The following MAD1L1 variants were observed in gnomAD, a reference collection of about 807,000 sequenced individuals.
MAD1L1 encodes mitotic arrest deficient 1 like 1.
Under a neutral mutation model 96.9 loss-of-function variants are expected in MAD1L1, and 95 were observed. The observed-to-expected ratio is 0.98, with a 90% CI of 0.83 to 1.16. MAD1L1 has a LOEUF of 1.16. Among genes scored for constraint, MAD1L1 ranks in the 50% most tolerant of loss-of-function variants. The pLI, the probability that MAD1L1 is intolerant of heterozygous loss-of-function variation, is 0.00. For synonymous variants in MAD1L1, 473 were observed against 396.6 expected (o/e 1.19, Z -2.29); for missense variants, 1,007 against 954.4 (o/e 1.06, Z -0.73).
chr7:2,070,377 C>G (rs966733750), intron 11 of MAD1L1, among the ~76,000 whole-genome samples: 3 of 152,148 alleles, frequency 2.0e-5, no homozygotes, highest in African/African-American at 7.2e-5. Context: ...CAGGACTCCA[C>G]CTCCCACATG....
intron 13 of MAD1L1, among the ~76,000 whole-genome samples, chr7:2,011,842 G>A (rs536340089): frequency 6.6e-6 from 1 of 152,302 alleles, no homozygotes; most frequent in Admixed American, 6.5e-5. Context: ...CCAGTGCAGC[G>A]GGGTCCTGGG....
intron 17 of MAD1L1, among the ~76,000 whole-genome samples, chr7:1,919,312 C>G (rs1359773642): frequency 1.3e-5 from 2 of 152,274 alleles, no homozygotes; most frequent in African/African-American, 4.8e-5. Context: ...CACGGCTGCC[C>G]CGGCCTCAGA....
intron 11 of MAD1L1, among the ~76,000 whole-genome samples, chr7:2,073,467 T>G (rs1785231213): frequency 6.6e-6 from 1 of 152,146 alleles, no homozygotes; most frequent in Non-Finnish European, 1.5e-5. Flanking sequence ...GCCCCTACCC[T>G]TAGCATAACT....
At chr7:2,163,833 A>G (rs983278057) in intron 10 of MAD1L1, among the ~76,000 whole-genome samples, 33 of 152,108 alleles carry the variant, frequency 2.2e-4, no homozygotes, top group African/African-American at 7.5e-4. Flanking sequence ...ATCTGACACA[A>G]AGCATCTCCC....
At chr7:2,105,688 G>A (rs562770576) in intron 11 of MAD1L1, among the ~76,000 whole-genome samples, 2 of 152,184 alleles carry the variant, frequency 1.3e-5, no homozygotes, top group East Asian at 3.9e-4. Flanking sequence ...TTACCTGGTG[G>A]CCTCGGCCTG....
intron 17 of MAD1L1, among the ~76,000 whole-genome samples, chr7:1,904,244 CT>C (rs1174991142): frequency 2.8e-5 from 4 of 145,360 alleles, no homozygotes; most frequent in African/African-American, 8.0e-5. Context: ...TCTTGCGGAA[CT>C]CATGATTGAT....
intron 12 of MAD1L1, among the ~76,000 whole-genome samples, chr7:2,033,359 C>T (rs889211422): frequency 1.3e-5 from 2 of 152,224 alleles, no homozygotes; most frequent in East Asian, 1.9e-4. Flanking sequence ...AAGATGGATA[C>T]TCCATGGAGC....
intron 9 of MAD1L1, among the ~76,000 whole-genome samples, 176 bp downstream of exon 9, chr7:2,215,709 C>T (rs533217858): frequency 6.6e-6 from 1 of 152,280 alleles, no homozygotes; most frequent in African/African-American, 2.4e-5. Flanking sequence ...GTGCTGTGTT[C>T]ACAGGCTCTG....
chr7:2,162,451 G>T (rs1406459347), intron 10 of MAD1L1, among the ~76,000 whole-genome samples: 4 of 151,238 alleles, frequency 2.6e-5, no homozygotes, highest in Admixed American at 2.0e-4. Flanking sequence ...CAAACACTGC[G>T]GAAGGCCGCA....
At chr7:1,876,059 G>A (rs923153309) in intron 18 of MAD1L1, among the ~76,000 whole-genome samples, 26 of 152,184 alleles carry the variant, frequency 1.7e-4, no homozygotes, top group African/African-American at 5.3e-4. Context: ...ACACGTTTGC[G>A]GTCTCAGCCC....
chr7:1,955,224 C>T (rs1018086014), intron 16 of MAD1L1, among the ~76,000 whole-genome samples: 4 of 152,256 alleles, frequency 2.6e-5, no homozygotes, highest in Non-Finnish European at 4.4e-5. Flanking sequence ...TTCCTTGAAG[C>T]GGCCCAACTT....
intron 10 of MAD1L1, among the ~76,000 whole-genome samples, chr7:2,175,881 G>C (rs1755177253): frequency 2.0e-5 from 3 of 152,160 alleles, no homozygotes; most frequent in East Asian, 1.9e-4. Flanking sequence ...AACTACAACG[G>C]TGAGAAATCA....
chr7:2,015,149 C>T (rs1584086069), intron 12 of MAD1L1, among the ~76,000 whole-genome samples: 1 of 152,314 alleles, frequency 6.6e-6, no homozygotes, highest in African/African-American at 2.4e-5. Flanking sequence ...GACCTCTGCC[C>T]GGACCTGTCG....
At chr7:2,169,771 G>A (rs556959822) in intron 10 of MAD1L1, among the ~76,000 whole-genome samples, 1 of 141,434 alleles carries the variant, frequency 7.1e-6, no homozygotes, top group African/African-American at 3.1e-5. Flanking sequence ...CCCACTGGGG[G>A]CACTCGGAGC....
intron 12 of MAD1L1, among the ~76,000 whole-genome samples, chr7:2,025,320 G>A (rs1782952146): frequency 1.3e-5 from 2 of 152,222 alleles, no homozygotes; most frequent in Admixed American, 1.3e-4. Flanking sequence ...CTTAAAAGAA[G>A]CAACAGTGAG....
At chr7:2,166,498 C>A (rs914137361) in intron 10 of MAD1L1, among the ~76,000 whole-genome samples, 1 of 152,216 alleles carries the variant, frequency 6.6e-6, no homozygotes, top group Non-Finnish European at 1.5e-5. Context: ...GCCCTCAGAA[C>A]CTTTCAAACA....
chr7:2,204,442 T>C lies in MAD1L1; in HGVS notation c.986+8770A>G, dbSNP rs561271240. Among the ~76,000 whole-genome samples the C allele has an allele frequency of 2.6e-4, 40 of 152,338 alleles. No homozygotes were observed. In the South Asian group the frequency reaches 8.3e-3, roughly 32 times the overall value. The stretch of plus-strand genomic sequence containing the variant: ...CATCCATTACGCCAAAGGGTATTTC[T>C]AGCACCCCATAAGACCCCAATCATA... On this transcript the variant is annotated intron_variant, in intron 10 of 18. Transcript: ENST00000265854.
intron 10 of MAD1L1, among the ~76,000 whole-genome samples, chr7:2,194,761 A>C (rs534100034): frequency 6.6e-6 from 1 of 152,282 alleles, no homozygotes; most frequent in East Asian, 1.9e-4. Context: ...GAAACAAGAG[A>C]AAGTACCTTT....
At chr7:1,855,802 C>T (rs1051084897) in intron 18 of MAD1L1, among the ~76,000 whole-genome samples, 7 of 152,168 alleles carry the variant, frequency 4.6e-5, no homozygotes, top group African/African-American at 1.4e-4. Context: ...TCTCCCACTC[C>T]CCAGCTCCAG....
Sources: allele counts gnomAD v4.1 joint callset (sites outside exome capture counted in the v4.1 genomes callset), GRCh38; gene constraint gnomAD v4.1.1; transcripts MANE v1.5; gene names NCBI Gene and HGNC (gene_info 2026-07-23, HGNC 2026-07-21).